Variants in PPP6R3 observed in about 807,000 individuals in gnomAD.
PPP6R3 encodes the protein protein phosphatase 6 regulatory subunit 3.
Under a neutral mutation model 110.7 loss-of-function variants are expected in PPP6R3, and 38 were observed. The observed-to-expected ratio is 0.34, with a 90% CI of 0.26 to 0.45. The LOEUF is 0.45. PPP6R3 is among the 20% of genes least tolerant of loss of function. PPP6R3 has a pLI of 1.00. For missense variants in PPP6R3, 870 were observed against 1,062.4 expected, an observed-to-expected ratio of 0.82 and a Z score of 2.52; for synonymous variants, 369 against 373.5, an observed-to-expected ratio of 0.99 and a Z score of 0.14.
At chr11:68,589,555 A>G (rs2099589084) in intron 16 of PPP6R3, among the ~76,000 whole-genome samples, 1 of 152,184 alleles carries the variant, frequency 6.6e-6, no homozygotes, top group African/African-American at 2.4e-5. Context: ...TTTGAGGTAG[A>G]TATTATAGCT....
chr11:68,512,445 C>G (rs766217914), intron 1 of PPP6R3, among the ~76,000 whole-genome samples: 1 of 152,218 alleles, frequency 6.6e-6, no homozygotes, highest in Non-Finnish European at 1.5e-5. Context: ...ATCATAATCT[C>G]TAAAATCCTG....
At chr11:68,529,358 A>G (rs1287069862) in intron 2 of PPP6R3, among the ~76,000 whole-genome samples, 1 of 152,256 alleles carries the variant, frequency 6.6e-6, no homozygotes. Context: ...AGCTGGGATT[A>G]CAGGCGACTG....
chr11:68,475,584 GGGGC>G (rs1375867346), intron 1 of PPP6R3, among the ~76,000 whole-genome samples: 8 of 149,444 alleles, frequency 5.4e-5, no homozygotes, highest in South Asian at 2.1e-4. Flanking sequence ...TGGCCGGGCG[GGGGC>G]TGCCCCCCAC....
chr11:68,546,524 T>G (rs1443351319), intron 4 of PPP6R3, among the ~76,000 whole-genome samples: 1 of 152,226 alleles, frequency 6.6e-6, no homozygotes, highest in African/African-American at 2.4e-5. Flanking sequence ...GTATGAATGA[T>G]AGCAAGAGGA....
In PPP6R3 at chr11:68,556,757, T is replaced by G. The variant is rs150464072; in HGVS notation, c.732-1809T>G. Among the ~76,000 whole-genome samples the G allele has an allele frequency of 2.0e-5, 3 of 152,372 alleles. No homozygotes were observed. The East Asian group carries it at 5.8e-4, about 29-fold the overall frequency. The stretch of plus-strand genomic sequence containing the variant: ...GTGAAGGCATTCCTTTTATTTTGTT[T>G]GATAAGCTTCAGTCCTTTGGTTTAT... On this transcript the variant is annotated intron_variant, in intron 7 of 23. Coordinates refer to ENST00000393800, the MANE Select transcript of PPP6R3 (RefSeq NM_001164161.2).
At chr11:68,587,570 T>G (rs112728867) in intron 15 of PPP6R3, 1 of 334,412 alleles carries the variant, frequency 3.0e-6, no homozygotes, top group East Asian at 8.0e-5. Flanking sequence ...GTTGGTTGTG[T>G]CCAGAGGTGA....
At chr11:68,490,066 A>T (rs184014570) in intron 1 of PPP6R3, among the ~76,000 whole-genome samples, 5 of 152,266 alleles carry the variant, frequency 3.3e-5, no homozygotes, top group African/African-American at 1.2e-4. Flanking sequence ...TTCCCTCTCC[A>T]GTCCTCTAAT....
chr11:68,554,104 C>T, intron 6 of PPP6R3, 41 bp from the exon 7 acceptor site: 1 of 1,392,712 alleles, frequency 7.2e-7, no homozygotes, highest in Non-Finnish European at 1.0e-6. Flanking sequence ...AATTTAACTT[C>T]TAACATGTTT....
At chr11:68,528,427 T>C (rs1434009355) in intron 2 of PPP6R3, among the ~76,000 whole-genome samples, 1 of 28,610 alleles carries the variant, frequency 3.5e-5, no homozygotes, top group Non-Finnish European at 7.9e-5. Flanking sequence ...ATTTAATTTG[T>C]GTGTGTGGGG....
intron 1 of PPP6R3, among the ~76,000 whole-genome samples, chr11:68,464,783 T>C (rs1162182636): frequency 6.6e-6 from 1 of 152,234 alleles, no homozygotes; most frequent in Non-Finnish European, 1.5e-5. Context: ...AGTTTGCTTC[T>C]GTGCTGAATA....
rs566852299 is a variant in PPP6R3 at position 68,569,859 on chromosome 11, G to A, written c.1240G>A (p.Asp414Asn). 1.7e-5 allele frequency: 28 copies of A among 1,611,684 alleles called. No homozygotes were observed. The highest frequency in any genetic ancestry group is 5.0e-5 in the Admixed American group (3 of 59,852). Residue 414 changes from aspartate (D) to asparagine (N), a missense_variant, in exon 11 of 24, where the codon GAT (aspartate) becomes AAT (asparagine). Coordinates refer to ENST00000393800, the MANE Select transcript of PPP6R3 (RefSeq NM_001164161.2). ...FENTENATIT[D>N]QDSTGDNLLL... ...AAACACAGAAAATGCCACAATTACC[G>A]ATCAAGACTCCACTGGTGATAATTT...
intron 6 of PPP6R3, among the ~76,000 whole-genome samples, chr11:68,553,778 A>G (rs2099389694): frequency 6.6e-6 from 1 of 152,132 alleles, no homozygotes; most frequent in African/African-American, 2.4e-5. Flanking sequence ...GGCATCCTGG[A>G]CCTAGAAATC....
intron 5 of PPP6R3, among the ~76,000 whole-genome samples, chr11:68,549,091 A>G (rs1030533214): frequency 1.7e-4 from 26 of 152,092 alleles, no homozygotes; most frequent in Non-Finnish European, 3.1e-4. Flanking sequence ...GGGTTTCACC[A>G]TGTTGGCCAG....
chr11:68,504,621 C>T (rs771221339), intron 1 of PPP6R3, among the ~76,000 whole-genome samples: 8 of 152,190 alleles, frequency 5.3e-5, no homozygotes, highest in Non-Finnish European at 8.8e-5. Flanking sequence ...CTTGGTTTGG[C>T]TCATTGACAA....
chr11:68,571,124 G>A lies in PPP6R3; in HGVS notation c.1343+20G>A, dbSNP rs1183694640. 1.0e-5 allele frequency: 16 copies of A among 1,583,044 alleles called. No homozygotes were observed. Among genetic ancestry groups the A allele is most frequent in the Non-Finnish European group, 1.4e-5 (16 of 1,168,010 alleles). Reference sequence around the variant, plus strand: ...GAAACAGTAAGTAAATTGTTTTTTTGAAAGGAATTCAGTTTGGTTGGTAAT... The same window carrying A: ...GAAACAGTAAGTAAATTGTTTTTTTAAAAGGAATTCAGTTTGGTTGGTAAT... On this transcript the variant is annotated intron_variant, in intron 12 of 23. Transcript: ENST00000393800.
intron 21 of PPP6R3, 61 bp from the exon 22 acceptor site, chr11:68,603,281 G>T: frequency 1.3e-6 from 2 of 1,599,270 alleles, no homozygotes; most frequent in Admixed American, 1.7e-5. Context: ...TTTGTACAGT[G>T]GTGGGGTGCC....
At chr11:68,466,051 T>C (rs1040748134) in intron 1 of PPP6R3, among the ~76,000 whole-genome samples, 3 of 152,220 alleles carry the variant, frequency 2.0e-5, no homozygotes, top group African/African-American at 7.2e-5. Flanking sequence ...ACTCTCTGGT[T>C]CCAGACCCGT....
intron 19 of PPP6R3, among the ~76,000 whole-genome samples, chr11:68,596,609 G>T (rs1016096730): frequency 6.6e-6 from 1 of 152,198 alleles, no homozygotes; most frequent in Non-Finnish European, 1.5e-5. Flanking sequence ...TCAGCCAGGG[G>T]ACGCAGCCTT....
intron 1 of PPP6R3, among the ~76,000 whole-genome samples, chr11:68,475,395 C>T (rs1311220235): frequency 3.9e-5 from 6 of 152,198 alleles, no homozygotes; most frequent in African/African-American, 9.6e-5. Flanking sequence ...AAACCGCCAT[C>T]GTCATCATGG....
Sources: gnomAD v4.1 joint callset for allele counts (sites outside exome capture counted in the v4.1 genomes callset) on GRCh38, gnomAD v4.1.1 for gene constraint, MANE v1.5 for transcripts, NCBI Gene and HGNC (gene_info 2026-07-23, HGNC 2026-07-21) for gene names.